NAA25: variants seen among roughly 807,000 people sequenced by gnomAD.
NAA25 encodes the protein N-terminal acetyltransferase B complex subunit NAA25.
Under a neutral mutation model 132.5 loss-of-function variants are expected in NAA25, and 30 were observed. The observed-to-expected ratio is 0.23, with a 90% CI of 0.17 to 0.31. The LOEUF (loss-of-function observed/expected upper bound fraction) is 0.31, where lower values mean the gene tolerates loss of function less well. Among genes scored for constraint, NAA25 ranks in the 10% least tolerant of loss-of-function variants. The pLI is 1.00. For synonymous variants in NAA25, 359 were observed against 401.9 expected, an observed-to-expected ratio of 0.89 and a Z score of 1.28; for missense variants, 771 against 1,150.4, an observed-to-expected ratio of 0.67 and a Z score of 4.77.
intron 9 of NAA25, among the ~76,000 whole-genome samples, chr12:112,072,795 A>G (rs1187360756): frequency 6.6e-6 from 1 of 151,530 alleles, no homozygotes; most frequent in Non-Finnish European, 1.5e-5. Flanking sequence ...AAAGCAGCCA[A>G]TTGTGGTGGC....
chr12:112,101,456 A>G (rs1277500354), intron 1 of NAA25, among the ~76,000 whole-genome samples: 1 of 152,034 alleles, frequency 6.6e-6, no homozygotes, highest in African/African-American at 2.4e-5. Context: ...AATGAAAGAT[A>G]TATATATAAG....
intron 17 of NAA25, among the ~76,000 whole-genome samples, chr12:112,045,662 G>A (rs2078370996): frequency 6.6e-6 from 1 of 151,950 alleles, no homozygotes; most frequent in Non-Finnish European, 1.5e-5. Context: ...GGGCGTGGTG[G>A]CAGGGACCTG....
intron 1 of NAA25, among the ~76,000 whole-genome samples, chr12:112,099,827 T>C (rs531658508): frequency 1.3e-5 from 2 of 152,232 alleles, no homozygotes; most frequent in Non-Finnish European, 2.9e-5. Context: ...TTCATCTGCA[T>C]GTTCTTGCAG....
chr12:112,105,280 C>T (rs1229015720), intron 1 of NAA25, among the ~76,000 whole-genome samples: 1 of 152,092 alleles, frequency 6.6e-6, no homozygotes, highest in Non-Finnish European at 1.5e-5. Flanking sequence ...GACACTCCAG[C>T]CTGGGTGACA....
chr12:112,069,108 G>A (rs941732491), intron 10 of NAA25, 116 bp from the exon 11 acceptor site: 3 of 641,896 alleles, frequency 4.7e-6, no homozygotes, highest in Non-Finnish European at 8.3e-6. Context: ...GCTTGCAACT[G>A]GTCCCAAGAT....
intron 7 of NAA25, 79 bp from the exon 8 acceptor site, chr12:112,075,868 G>A: frequency 8.8e-7 from 1 of 1,136,988 alleles, no homozygotes; most frequent in South Asian, 1.3e-5. Context: ...ACCACAAGAA[G>A]GAAAATGTCA....
chr12:112,070,870 C>T (rs2078794822), intron 10 of NAA25, among the ~76,000 whole-genome samples: 1 of 152,234 alleles, frequency 6.6e-6, no homozygotes, highest in African/African-American at 2.4e-5. Context: ...CCTCAGCCTC[C>T]CAAGTAGCTG....
intron 20 of NAA25, among the ~76,000 whole-genome samples, chr12:112,041,541 T>C (rs1231865662): frequency 1.3e-5 from 2 of 152,108 alleles, no homozygotes; most frequent in African/African-American, 2.4e-5. Flanking sequence ...AACAATTCTA[T>C]TAAATTATTG....
chr12:112,062,479 C>T lies in NAA25; in HGVS notation c.1150-1091G>A, dbSNP rs7134864. Among the ~76,000 whole-genome samples the T allele has an allele frequency of 5.9e-3, 895 of 151,558 alleles. 11 individuals are homozygous for T. Among genetic ancestry groups the T allele is most frequent in the African/African-American group, 0.02 (843 of 41,298 alleles). On this transcript the variant is annotated intron_variant, in intron 11 of 23. Coordinates refer to ENST00000261745, the MANE Select transcript of NAA25 (RefSeq NM_024953.4). ...GTGGCTCACGCCTATAATCCCAGCA[C>T]TTTGGGAGGCCAAGGCGGGTGGATT... is the stretch of plus-strand genomic sequence containing the variant.
chr12:112,043,743 T>C lies in NAA25; in HGVS notation c.2132A>G (p.Asn711Ser), dbSNP rs1366526872. ...CCCATTCTCGGCAGTCTTCTCCGAG[T>C]TCTTTGGCTCCACAGGGTGGTTGAG... ...PSLNHPVEPK[N>S]SEKTAENGVS... is the part of the protein sequence containing the mutation. Residue 711 changes from asparagine to serine, a missense_variant, in exon 18 of 24, where the codon AAC becomes AGC. By Grantham distance (46) the Asn-to-Ser change is conservative. Coordinates refer to ENST00000261745, the MANE Select transcript of NAA25 (RefSeq NM_024953.4). 1.2e-6 allele frequency: 2 copies of C among 1,614,174 alleles called. No individual in the cohort carries two copies. The highest frequency in any genetic ancestry group is 1.7e-6 in the Non-Finnish European group (2 of 1,180,030).
At chr12:112,079,923 A>G (rs2136905534) in intron 5 of NAA25, among the ~76,000 whole-genome samples, 1 of 152,268 alleles carries the variant, frequency 6.6e-6, no homozygotes, top group South Asian at 2.1e-4. Flanking sequence ...CCAGCAATAG[A>G]TTAGAGATTC....
At chr12:112,043,556 A>C in intron 18 of NAA25, 69 bp downstream of exon 18, 1 of 1,558,952 alleles carries the variant, frequency 6.4e-7, no homozygotes, top group Admixed American at 1.8e-5. Flanking sequence ...CCCACCCCAA[A>C]CTCCTGTTTA....
chr12:112,059,375 T>C (rs902200874), intron 13 of NAA25, among the ~76,000 whole-genome samples: 1 of 152,164 alleles, frequency 6.6e-6, no homozygotes, highest in African/African-American at 2.4e-5. Flanking sequence ...CTTCTATAGT[T>C]CAATTCTCAT....
At chr12:112,093,547 A>C (rs1361539009) in intron 1 of NAA25, among the ~76,000 whole-genome samples, 1 of 151,976 alleles carries the variant, frequency 6.6e-6, no homozygotes, top group Non-Finnish European at 1.5e-5. Flanking sequence ...CCTCAGAAAA[A>C]AGTAATAACA....
In NAA25 at chr12:112,029,337, C is replaced by T. The variant is rs896031812; in HGVS notation, c.*194G>A. The T allele has an allele frequency of 2.7e-5, 22 of 815,716 alleles. No individual in the cohort carries two copies. The highest frequency in any genetic ancestry group is 3.9e-4 in the Middle Eastern group (1 of 2,584). The allele number at this position is 815,716 out of a possible 1,614,324, so 50.5% of individuals were successfully genotyped here. On this transcript the variant is annotated 3_prime_UTR_variant, in exon 24 of 24. Coordinates refer to ENST00000261745, the MANE Select transcript of NAA25 (RefSeq NM_024953.4). ...AGTGGTCAAACCCAGATGAGGGTCC[C>T]GCTTCTGGTTTATATACAATAATTT...
At chr12:112,090,967 T>G (rs1395607223) in intron 2 of NAA25, 103 bp from the exon 3 acceptor site, 2 of 1,160,210 alleles carry the variant, frequency 1.7e-6, no homozygotes. Flanking sequence ...ATGCCTAGGT[T>G]GCTGATATAC....
intron 22 of NAA25, among the ~76,000 whole-genome samples, chr12:112,037,939 T>A (rs1344049604): frequency 6.6e-6 from 1 of 152,044 alleles, no homozygotes; most frequent in Non-Finnish European, 1.5e-5. Context: ...AAAGGTCATG[T>A]CAGATCCCTG....
intron 22 of NAA25, among the ~76,000 whole-genome samples, chr12:112,037,372 T>G (rs1480671979): frequency 7.2e-6 from 1 of 139,804 alleles, no homozygotes; most frequent in Non-Finnish European, 1.6e-5. Context: ...ACATCTCTTA[T>G]TTTACAAAAT....
intron 4 of NAA25, 103 bp downstream of exon 4, chr12:112,087,575 AAATTC>A (rs1221381902): frequency 1.4e-6 from 1 of 707,862 alleles, no homozygotes; most frequent in African/African-American, 1.8e-5. Flanking sequence ...AAAAATCCAT[AAATTC>A]AATTCTACAC....
Sources: allele counts gnomAD v4.1 joint callset (sites outside exome capture counted in the v4.1 genomes callset), GRCh38; gene constraint gnomAD v4.1.1; transcripts MANE v1.5; gene names NCBI Gene and HGNC (gene_info 2026-07-23, HGNC 2026-07-21).